Variants in XPOT observed in about 807,000 individuals in gnomAD.
XPOT encodes exportin for tRNA, also known as exportin-T.
In XPOT, 34 loss-of-function variants were observed where a neutral mutation model predicts 128.2. The observed-to-expected ratio is 0.27, with a 90% CI of 0.20 to 0.35. The LOEUF is 0.35. Ranked by LOEUF, XPOT falls within the 10% of genes least tolerant of loss-of-function variation. The probability of loss-of-function intolerance (pLI) is 1.00; values close to 1 mark genes in which losing one functional copy is unlikely to be tolerated. For missense variants in XPOT, 838 were observed against 1,125.3 expected (o/e 0.74, Z 3.65); for synonymous variants, 348 against 394.3 (o/e 0.88, Z 1.39).
intron 14 of XPOT, 144 bp downstream of exon 14, chr12:64,425,601 C>A: frequency 8.8e-7 from 1 of 1,139,084 alleles, no homozygotes; most frequent in Non-Finnish European, 1.2e-6. Context: ...ACCCCTCCTC[C>A]ATTTCTTTTA....
At chr12:64,427,207 C>T (rs2040200017) in intron 15 of XPOT, among the ~76,000 whole-genome samples, 1 of 150,684 alleles carries the variant, frequency 6.6e-6, no homozygotes. Flanking sequence ...GCAACCCCTG[C>T]CTCCTGGGTT....
intron 19 of XPOT, among the ~76,000 whole-genome samples, chr12:64,433,919 A>C (rs949465493): frequency 3.3e-5 from 5 of 152,228 alleles, no homozygotes; most frequent in Admixed American, 2.0e-4. Flanking sequence ...GAAATATAAA[A>C]TAAATGGAGC....
Position 64,445,154 on chromosome 12 carries a change from T to C in XPOT, c.2862+23T>C, listed in dbSNP as rs775541434. ...AAGGTAGGTATTTGTGAAGCTCACG[T>C]ATCTTCATACAATTAGGTAATGTTT... On this transcript the variant is annotated intron_variant, in intron 24 of 24. Transcript: ENST00000332707. The C allele has an allele frequency of 1.9e-6, 3 of 1,566,580 alleles. No homozygotes were observed. The Admixed American group carries it at 5.3e-5, about 28-fold the overall frequency.
chr12:64,425,801 G>A lies in XPOT; in HGVS notation c.1573-14G>A, dbSNP rs753933535. ...GAAAAAATGCAGAAATAGTAAAAGT[G>A]TCTCCTTCTTTAGATGGCTTTCTTA... On this transcript the variant is annotated splice_polypyrimidine_tract_variant and intron_variant, in intron 14 of 24. Coordinates refer to ENST00000332707, the MANE Select transcript of XPOT (RefSeq NM_007235.6). The A allele has an allele frequency of 1.9e-6, 3 of 1,611,562 alleles. No individual in the cohort carries two copies. The highest frequency in any genetic ancestry group is 1.1e-5 in the South Asian group (1 of 90,976).
intron 23 of XPOT, among the ~76,000 whole-genome samples, chr12:64,440,139 C>T (rs2040313402): frequency 6.6e-6 from 1 of 152,116 alleles, no homozygotes; most frequent in Non-Finnish European, 1.5e-5. Flanking sequence ...TTCCCACAGC[C>T]CCCATCTCCT....
intron 13 of XPOT, 22 bp downstream of exon 13, chr12:64,425,204 T>C (rs1221812658): frequency 6.2e-7 from 1 of 1,613,230 alleles, no homozygotes; most frequent in African/African-American, 1.3e-5. Context: ...GGAGATAATT[T>C]TGACCATAAA....
At chr12:64,434,477 ATTGC>A in intron 19 of XPOT, 26 bp from the exon 20 acceptor site, 2 of 1,533,212 alleles carry the variant, frequency 1.3e-6, no homozygotes, top group Non-Finnish European at 1.8e-6. Context: ...AATTTTGGAA[ATTGC>A]TTAAACTAAA....
intron 1 of XPOT, among the ~76,000 whole-genome samples, chr12:64,406,834 A>G (rs1403859235): frequency 6.6e-6 from 1 of 152,176 alleles, no homozygotes; most frequent in Non-Finnish European, 1.5e-5. Flanking sequence ...GAAGGGAACC[A>G]GTGCCTTTCT....
At position 64,418,165 on chromosome 12, in the gene XPOT, T is replaced by C. The variant is rs1318987886; in HGVS notation, c.270+50T>C. On this transcript the variant is annotated intron_variant, in intron 5 of 24. Transcript: ENST00000332707. The stretch of plus-strand genomic sequence containing the variant: ...CCTCAAATTATTAGATATTTAAACT[T>C]ATTTTTTGCAAGAGTTTGGAACTTT... The C allele has an allele frequency of 2.6e-6, 4 of 1,512,854 alleles. No individual in the cohort carries two copies. The Admixed American group carries it at 5.5e-5, about 21-fold the overall frequency. 93.7% of individuals were successfully genotyped at this position (1,512,854 alleles called of 1,614,324 possible). A position where few individuals can be genotyped will look rare whatever the true frequency, so the allele number is the denominator to read the frequency against.
In XPOT at chr12:64,447,649, T is replaced by C. The variant is rs1435103914; in HGVS notation, c.2863-456T>C. On this transcript the variant is annotated intron_variant, in intron 24 of 24. Coordinates refer to ENST00000332707, the MANE Select transcript of XPOT (RefSeq NM_007235.6). Reference sequence around the variant, plus strand: ...ATGCACCACCACACCCGGCTAATTTTTTCTATTTTGAGTAAAGACTGGGTT... The same window carrying C: ...ATGCACCACCACACCCGGCTAATTTCTTCTATTTTGAGTAAAGACTGGGTT... 3.3e-5 allele frequency among the ~76,000 whole-genome samples: 5 copies of C among 152,166 alleles called. No individual in the cohort carries two copies. The East Asian group carries it at 9.6e-4, about 29-fold the overall frequency.
In XPOT at chr12:64,426,134, C is replaced by T. The variant is rs1006993841; in HGVS notation, c.1667+225C>T. Reference sequence around the variant, plus strand: ...CAGCCTGGCCAACATGGTGAAACCCCATCTCTACTAAAGATACAAAAAATT... The same window carrying T: ...CAGCCTGGCCAACATGGTGAAACCCTATCTCTACTAAAGATACAAAAAATT... On this transcript the variant is annotated intron_variant, in intron 15 of 24. Transcript: ENST00000332707. Among the ~76,000 whole-genome samples the T allele has an allele frequency of 2.0e-5, 3 of 151,594 alleles. No homozygotes were observed. In the East Asian group the frequency reaches 5.8e-4, roughly 29 times the overall value.
intron 19 of XPOT, 126 bp from the exon 20 acceptor site, chr12:64,434,381 C>A: frequency 1.6e-6 from 1 of 631,508 alleles, no homozygotes; most frequent in Non-Finnish European, 2.8e-6. Flanking sequence ...TGCTTTTTTC[C>A]CCCTTCATTT....
intron 11 of XPOT, among the ~76,000 whole-genome samples, 160 bp downstream of exon 11, chr12:64,423,404 G>T (rs1164562895): frequency 6.6e-6 from 1 of 151,992 alleles, no homozygotes; most frequent in Non-Finnish European, 1.5e-5. Flanking sequence ...ATTAATAGAA[G>T]CCTCTTAATC....
rs145454814 is a variant in XPOT at position 64,431,641 on chromosome 12, C to T, written c.2080C>T (p.Pro694Ser). The change falls in exon 18 of 25, where the codon CCC becomes TCC. Residue 694 changes from proline to serine, a missense_variant. Physicochemically the swap from Pro to Ser is moderately conservative, Grantham distance 74. Transcript: ENST00000332707. The part of the protein sequence containing the change: ...LQTFLPALSC[P>S]LQKDILRSGV... The stretch of plus-strand genomic sequence containing the variant: ...GACATTCTTGCCAGCCCTCAGTTGT[C>T]CCTTACAAAAGGATATTCTCAGAAG... 8.1e-5 allele frequency: 130 copies of T among 1,613,902 alleles called. No individual in the cohort carries two copies. The highest frequency in any genetic ancestry group is 1.0e-4 in the Non-Finnish European group (121 of 1,179,854).
Position 64,416,745 on chromosome 12 carries a change from T to C in XPOT, c.191T>C (p.Val64Ala), listed in dbSNP as rs762967723. 26 of 1,613,270 alleles carry C rather than the reference T, an allele frequency of 1.6e-5. No homozygotes were observed. Among genetic ancestry groups the C allele is most frequent in the Non-Finnish European group, 2.2e-5 (26 of 1,179,600 alleles). ...TGCTTTCAAGTACTGGAACATCAAG[T>C]TAAATACAAGTAAGGCTTTTCTTAC... ...FFCFQVLEHQ[V>A]KYKYSELTTV... Residue 64 changes from valine to alanine, a missense_variant, in exon 4 of 25, where the codon GTT becomes GCT. Physicochemically the swap from Val to Ala is moderately conservative, Grantham distance 64. Coordinates refer to ENST00000332707, the MANE Select transcript of XPOT (RefSeq NM_007235.6).
At position 64,421,355 on chromosome 12, in the gene XPOT, C is replaced by G; in HGVS notation, c.964C>G (p.Leu322Val). 3 of 1,613,754 alleles carry G rather than the reference C, an allele frequency of 1.9e-6. No homozygotes were observed. The highest frequency in any genetic ancestry group is 2.5e-6 in the Non-Finnish European group (3 of 1,179,706). The change falls in exon 9 of 25, where the codon CTA (leucine) becomes GTA (valine). Residue 322 changes from leucine (L) to valine (V), a missense_variant. Leu to Val is a conservative substitution (Grantham distance 32, BLOSUM62 1). Around this residue, in one of 3 missense-constraint regions of XPOT, gnomAD observed 761 missense variants for 988.3 expected, o/e 0.77. Coordinates refer to ENST00000332707, the MANE Select transcript of XPOT (RefSeq NM_007235.6). ...GGATATTAAGAATGCTCAAGAGGCACTACAAGCTATTGAAACAAAAGTGGC... is the reference window on the plus strand; with the variant it reads ...GGATATTAAGAATGCTCAAGAGGCAGTACAAGCTATTGAAACAAAAGTGGC... ...NGDIKNAQEA[L>V]QAIETKVALM...
At chr12:64,431,511 C>T in intron 17 of XPOT, 27 bp from the exon 18 acceptor site, 11 of 1,604,820 alleles carry the variant, frequency 6.9e-6, no homozygotes, top group Non-Finnish European at 9.4e-6. Context: ...AAAGTTGCAT[C>T]TGATTGCCTG....
chr12:64,436,980 GC>G (rs2040287883), intron 22 of XPOT, among the ~76,000 whole-genome samples: 1 of 152,100 alleles, frequency 6.6e-6, no homozygotes, highest in Non-Finnish European at 1.5e-5. Flanking sequence ...GCCATAGAAT[GC>G]CAGCACAGGA....
In XPOT at chr12:64,404,705, C is replaced by G. The variant is rs546828743; in HGVS notation, c.-174C>G. ...TGGCGGAGGACTACGGCGACAAGGA[C>G]GAGGGCCGCTCTCCCAGCTCTCTGC... is the stretch of plus-strand genomic sequence containing the variant. On this transcript the variant is annotated 5_prime_UTR_variant, in exon 1 of 25. Coordinates refer to ENST00000332707, the MANE Select transcript of XPOT (RefSeq NM_007235.6). 6.6e-6 allele frequency: 1 copy of G among 152,564 alleles called. No individual in the cohort carries two copies. The highest frequency in any genetic ancestry group is 1.5e-5 in the Non-Finnish European group (1 of 68,352). 9.5% of individuals were successfully genotyped at this position (152,564 alleles called of 1,614,324 possible).
Sources: gnomAD v4.1 joint callset for allele counts (sites outside exome capture counted in the v4.1 genomes callset) on GRCh38, gnomAD v4.1.1 for gene constraint, gnomAD v4.1.1 regional missense constraint, MANE v1.5 for transcripts, NCBI Gene and HGNC (gene_info 2026-07-23, HGNC 2026-07-21) for gene names.